TFCP2L1: variants seen among roughly 807,000 people sequenced by gnomAD.
TFCP2L1 encodes transcription factor CP2-like protein 1.
Under a neutral mutation model 72.2 loss-of-function variants are expected in TFCP2L1, and 12 were observed. The observed-to-expected ratio is 0.17, with a 90% CI of 0.11 to 0.27. The LOEUF (loss-of-function observed/expected upper bound fraction) is 0.27. Ranked by LOEUF, TFCP2L1 falls within the 10% of genes least tolerant of loss-of-function variation. The pLI, the probability that TFCP2L1 is intolerant of heterozygous loss-of-function variation, is 1.00. For synonymous variants in TFCP2L1, 260 were observed against 251.0 expected (o/e 1.04, Z -0.34); for missense variants, 488 against 624.6 (o/e 0.78, Z 2.33).
chr2:121,238,458 A>T (rs1042244237), intron 8 of TFCP2L1, among the ~76,000 whole-genome samples: 5 of 152,254 alleles, frequency 3.3e-5, no homozygotes, highest in African/African-American at 1.2e-4. Context: ...AGCGCTCTCC[A>T]GGTGGACGGC....
At position 121,219,645 on chromosome 2, in the gene TFCP2L1, CA is replaced by C. The variant is rs1685893639; in HGVS notation, c.*4695del. ...GCAATTTTCAAAGATTTTTTATTTT[CA>C]AAAAGACAGAGATGGAGTCTCACTA... On this transcript the variant is annotated 3_prime_UTR_variant, in exon 15 of 15. Coordinates refer to ENST00000263707, the MANE Select transcript of TFCP2L1 (RefSeq NM_014553.3). 2 of 152,170 alleles carry C rather than the reference CA, an allele frequency of 1.3e-5. 1 individual carries two copies. The highest frequency in any genetic ancestry group is 1.3e-4 in the Admixed American group (2 of 15,278). The allele number at this position is 152,170 out of a possible 1,614,324, so 9.4% of individuals were successfully genotyped here.
chr2:121,240,028 T>G, intron 7 of TFCP2L1: 1 of 984,826 alleles, frequency 1.0e-6, no homozygotes, highest in Non-Finnish European at 1.2e-6. Flanking sequence ...CGTGTAAATG[T>G]CTGTTATAGG....
intron 2 of TFCP2L1, among the ~76,000 whole-genome samples, chr2:121,274,379 GTC>G (rs1351697332): frequency 6.6e-6 from 1 of 152,072 alleles, no homozygotes; most frequent in Non-Finnish European, 1.5e-5. Context: ...CCCACATATT[GTC>G]CACATGGGCG....
At chr2:121,271,920 A>C (rs1194182233) in intron 2 of TFCP2L1, among the ~76,000 whole-genome samples, 1 of 152,098 alleles carries the variant, frequency 6.6e-6, no homozygotes, top group East Asian at 1.9e-4. Context: ...GGAGCAACTG[A>C]TAATGGACGT....
chr2:121,225,522 C>T (rs1452617290), intron 14 of TFCP2L1, 40 bp downstream of exon 14: 1 of 1,606,452 alleles, frequency 6.2e-7, no homozygotes. Flanking sequence ...ACCCTCTCAC[C>T]TGCCCCCACA....
At position 121,220,193 on chromosome 2, in the gene TFCP2L1, T is replaced by A. The variant is rs940527736; in HGVS notation, c.*4148A>T. 2.6e-5 allele frequency: 4 copies of A among 152,204 alleles called. No homozygotes were observed. The highest frequency in any genetic ancestry group is 5.9e-5 in the Non-Finnish European group (4 of 68,062). 9.4% of individuals were successfully genotyped at this position (152,204 alleles called of 1,614,324 possible). ...TTGGAAACTTGTGACCCTGGCTGGC[T>A]CCAGTCCACTGCTGGTAAAGCCTTC... On this transcript the variant is annotated 3_prime_UTR_variant, in exon 15 of 15. Coordinates refer to ENST00000263707, the MANE Select transcript of TFCP2L1 (RefSeq NM_014553.3).
chr2:121,240,727 T>C, intron 7 of TFCP2L1: 10 of 985,340 alleles, frequency 1.0e-5, no homozygotes, highest in Non-Finnish European at 1.2e-5. Context: ...TGGGGAACAC[T>C]CTGGGCAGTG....
chr2:121,246,708 C>T lies in TFCP2L1; in HGVS notation c.657+110G>A, dbSNP rs938974815. On this transcript the variant is annotated intron_variant, in intron 6 of 14. Transcript: ENST00000263707. ...GTAGAAGCCATGTGCTAAAGGGATGCTGCGTTCCTCGCTGGGCCTGTAAGA... is the reference window on the plus strand; with the variant it reads ...GTAGAAGCCATGTGCTAAAGGGATGTTGCGTTCCTCGCTGGGCCTGTAAGA... The T allele has an allele frequency of 5.7e-6, 8 of 1,405,072 alleles. No individual in the cohort carries two copies. The Admixed American group carries it at 9.1e-5, about 16-fold the overall frequency. 87.0% of individuals were successfully genotyped at this position (1,405,072 alleles called of 1,614,324 possible). A position where few individuals can be genotyped will look rare whatever the true frequency, so the allele number is the denominator to read the frequency against.
At chr2:121,276,538 T>G (rs1311779422) in intron 2 of TFCP2L1, among the ~76,000 whole-genome samples, 1 of 150,130 alleles carries the variant, frequency 6.7e-6, no homozygotes, top group Admixed American at 6.7e-5. Context: ...GAGGCTGAGG[T>G]AGGAGGATCC....
intron 7 of TFCP2L1, chr2:121,239,978 C>A: frequency 1.1e-6 from 1 of 930,070 alleles, no homozygotes. Flanking sequence ...ACGAAACCAG[C>A]CAGTTGTTCA....
intron 2 of TFCP2L1, among the ~76,000 whole-genome samples, chr2:121,274,018 C>T (rs1045447678): frequency 1.3e-5 from 2 of 149,274 alleles, no homozygotes; most frequent in African/African-American, 2.5e-5. Flanking sequence ...CGCTTGAACC[C>T]GGGAGGCAGA....
At position 121,246,870 on chromosome 2, in the gene TFCP2L1, C is replaced by G. The variant is rs1289675047; in HGVS notation, c.605G>C (p.Gly202Ala). 1 of 1,614,176 alleles carries G rather than the reference C, an allele frequency of 6.2e-7. No individual in the cohort carries two copies. The highest frequency in any genetic ancestry group is 2.2e-5 in the East Asian group (1 of 44,872). The change falls in exon 6 of 15, where the codon GGG (glycine) becomes GCG (alanine). Residue 202 changes from glycine (G) to alanine (A), a missense_variant. This residue lies in a region of TFCP2L1 where 129 missense variants were observed against 236.0 expected (regional missense o/e 0.55). Transcript: ENST00000263707. ...QIDTFKQNEN[G>A]EYTEHLHSAS... ...TGAGTGCAGGTGCTCCGTGTACTCC[C>G]CATTCTCGTTCTGCTTAAACGTGTC...
intron 2 of TFCP2L1, among the ~76,000 whole-genome samples, chr2:121,280,405 T>C (rs2104769913): frequency 6.6e-6 from 1 of 152,248 alleles, no homozygotes; most frequent in South Asian, 2.1e-4. Flanking sequence ...CTCCAGGACC[T>C]GGGATGCTGA....
At position 121,281,024 on chromosome 2, in the gene TFCP2L1, C is replaced by G. The variant is rs377629453; in HGVS notation, c.214+96G>C. On this transcript the variant is annotated intron_variant, in intron 2 of 14. Transcript: ENST00000263707. ...CCGAGCCCGACCTCGCCCGACCTCA[C>G]CCACCGTAACAAAGTCACAAGGCCC... The G allele has an allele frequency of 1.9e-6, 3 of 1,544,148 alleles. No homozygotes were observed. In the African/African-American group the frequency reaches 4.1e-5, roughly 21 times the overall value.
At chr2:121,242,077 C>G (rs1244852859) in intron 7 of TFCP2L1, among the ~76,000 whole-genome samples, 1 of 105,596 alleles carries the variant, frequency 9.5e-6, no homozygotes, top group South Asian at 3.6e-4. Flanking sequence ...GAATACATTA[C>G]CTACTCAAAA....
intron 4 of TFCP2L1, among the ~76,000 whole-genome samples, 181 bp from the exon 5 acceptor site, chr2:121,248,451 C>T (rs937628954): frequency 4.6e-5 from 7 of 152,336 alleles, no homozygotes; most frequent in African/African-American, 1.4e-4. Flanking sequence ...GCTGTGTTGT[C>T]TTCACCCCGT....
chr2:121,267,988 C>T (rs894319432), intron 2 of TFCP2L1, among the ~76,000 whole-genome samples: 1 of 152,096 alleles, frequency 6.6e-6, no homozygotes, highest in Non-Finnish European at 1.5e-5. Context: ...ACAGGGAGAC[C>T]CTGTCTCTAT....
chr2:121,239,442 G>T, intron 8 of TFCP2L1, 116 bp downstream of exon 8: 1 of 1,139,278 alleles, frequency 8.8e-7, no homozygotes, highest in Non-Finnish European at 1.3e-6. Flanking sequence ...TGCAACACGA[G>T]TTAGCTACCC....
At chr2:121,243,227 G>A (rs959055285) in intron 6 of TFCP2L1, among the ~76,000 whole-genome samples, 3 of 152,244 alleles carry the variant, frequency 2.0e-5, no homozygotes, top group African/African-American at 4.8e-5. Flanking sequence ...TAAAGACTCC[G>A]AGCAGCGCTA....
Sources: allele counts gnomAD v4.1 joint callset (sites outside exome capture counted in the v4.1 genomes callset), GRCh38; gene constraint gnomAD v4.1.1; regional missense constraint gnomAD v4.1.1; transcripts MANE v1.5; gene names NCBI Gene and HGNC (gene_info 2026-07-23, HGNC 2026-07-21).